The following ROBO2 variants were observed in gnomAD, a reference collection of about 807,000 sequenced individuals.
ROBO2 encodes the protein roundabout guidance receptor 2.
In ROBO2, 53 loss-of-function variants were observed where a neutral mutation model predicts 160.8. That is an observed-to-expected ratio of 0.33 (90% CI 0.26 to 0.41). The LOEUF (loss-of-function observed/expected upper bound fraction) is 0.41. ROBO2 is among the 10% of genes least tolerant of loss of function. ROBO2 has a pLI of 1.00. For missense variants in ROBO2, 1,577 were observed against 1,722.4 expected, an observed-to-expected ratio of 0.92 and a Z score of 1.49; for synonymous variants, 664 against 611.7, an observed-to-expected ratio of 1.09 and a Z score of -1.26.
chr3:76,002,048 G>A (rs1048941400), intron 2 of ROBO2, among the ~76,000 whole-genome samples: 21 of 152,034 alleles, frequency 1.4e-4, no homozygotes, highest in African/African-American at 5.1e-4. Context: ...ACCTAAAAGG[G>A]CACAATTACT....
At chr3:76,393,445 A>G (rs2077257313) in intron 2 of ROBO2, among the ~76,000 whole-genome samples, 1 of 152,222 alleles carries the variant, frequency 6.6e-6, no homozygotes, top group Non-Finnish European at 1.5e-5. Flanking sequence ...AGAAAAAAGT[A>G]GTTTGTGGGG....
chr3:77,309,223 A>T (rs2063344248), intron 2 of ROBO2, among the ~76,000 whole-genome samples: 1 of 152,224 alleles, frequency 6.6e-6, no homozygotes, highest in Non-Finnish European at 1.5e-5. Context: ...AGTTGTTACT[A>T]AGCTTTACAT....
intron 2 of ROBO2, among the ~76,000 whole-genome samples, chr3:76,217,272 A>T (rs1037567671): frequency 6.6e-6 from 1 of 152,152 alleles, no homozygotes; most frequent in African/African-American, 2.4e-5. Flanking sequence ...GCAAGAGCAA[A>T]CATATTCAAA....
intron 2 of ROBO2, among the ~76,000 whole-genome samples, chr3:76,302,953 A>G (rs1410970555): frequency 6.6e-6 from 1 of 152,124 alleles, no homozygotes; most frequent in Non-Finnish European, 1.5e-5. Context: ...CCATGTTTGG[A>G]TAAATTTATT....
chr3:77,446,558 CTT>C (rs2080541608), intron 2 of ROBO2, among the ~76,000 whole-genome samples: 1 of 152,016 alleles, frequency 6.6e-6, no homozygotes, highest in East Asian at 1.9e-4. Context: ...AGCAGCATAT[CTT>C]TTGTTTTCCT....
chr3:76,969,587 C>G (rs2059471725), intron 2 of ROBO2, among the ~76,000 whole-genome samples: 1 of 152,086 alleles, frequency 6.6e-6, no homozygotes, highest in Non-Finnish European at 1.5e-5. Flanking sequence ...ATACATTCAG[C>G]CTCAATTGTA....
chr3:77,233,630 C>T (rs1444641543), intron 2 of ROBO2, among the ~76,000 whole-genome samples: 1 of 151,782 alleles, frequency 6.6e-6, no homozygotes, highest in Admixed American at 6.6e-5. Context: ...TATCAGTATC[C>T]CATGTTAACT....
At chr3:75,916,766 A>G (rs1946826673) in intron 1 of ROBO2, among the ~76,000 whole-genome samples, 1 of 151,994 alleles carries the variant, frequency 6.6e-6, no homozygotes, top group African/African-American at 2.4e-5. Flanking sequence ...GATAATGGTT[A>G]AAAACACCTG....
intron 2 of ROBO2, among the ~76,000 whole-genome samples, chr3:76,209,954 G>A (rs187923682): frequency 7.6e-4 from 116 of 152,064 alleles, no homozygotes; most frequent in Admixed American, 2.8e-3. Flanking sequence ...TTAAATGATG[G>A]AATATTATAG....
chr3:77,076,627 CTT>C (rs1346796165), intron 1 of ROBO2, among the ~76,000 whole-genome samples: 3 of 151,894 alleles, frequency 2.0e-5, no homozygotes, highest in Non-Finnish European at 2.9e-5. Context: ...AAATGATTGC[CTT>C]AAAACTTGAA....
In ROBO2 at chr3:77,340,291, T is replaced by A. The variant is rs146105502; in HGVS notation, c.389-137123T>A. On this transcript the variant is annotated intron_variant, in intron 2 of 25. Coordinates refer to ENST00000461745, the Ensembl canonical transcript of ROBO2. ...ACTAGCAATAGAATTAGTAGTAATA[T>A]GAACGTGAAAAGTCACTTTTCTAAA... Among the ~76,000 whole-genome samples, 13 of 152,256 alleles carry A rather than the reference T, an allele frequency of 8.5e-5. No homozygotes were observed. In the East Asian group the frequency reaches 2.3e-3, roughly 27 times the overall value.
intron 2 of ROBO2, among the ~76,000 whole-genome samples, chr3:76,797,500 A>T (rs1013182834): frequency 1.3e-5 from 2 of 152,004 alleles, no homozygotes; most frequent in African/African-American, 2.4e-5. Context: ...ACCTTAAAAT[A>T]AACAACCTAA....
At chr3:77,611,577 T>C (rs1465843844) in intron 21 of ROBO2, among the ~76,000 whole-genome samples, 1 of 152,146 alleles carries the variant, frequency 6.6e-6, no homozygotes, top group Non-Finnish European at 1.5e-5. Flanking sequence ...CAGCTAATGG[T>C]AATCATCACC....
At chr3:76,264,332 T>C (rs1407093224) in intron 2 of ROBO2, among the ~76,000 whole-genome samples, 1 of 19,588 alleles carries the variant, frequency 5.1e-5, no homozygotes, top group African/African-American at 6.9e-5. Context: ...TTGTCTCTAG[T>C]TTTTTTTTTT....
At chr3:76,203,617 G>C (rs1217555889) in intron 2 of ROBO2, among the ~76,000 whole-genome samples, 6 of 139,714 alleles carry the variant, frequency 4.3e-5, no homozygotes, top group East Asian at 2.2e-4. Context: ...CACAGGTCAC[G>C]GTTCTAGTAA....
intron 2 of ROBO2, among the ~76,000 whole-genome samples, chr3:76,464,172 A>G (rs1283832430): frequency 6.6e-6 from 1 of 152,154 alleles, no homozygotes; most frequent in Admixed American, 6.6e-5. Context: ...TGTAGTAGAA[A>G]GACTTCCTAA....
intron 2 of ROBO2, among the ~76,000 whole-genome samples, chr3:77,423,898 G>A (rs1208911746): frequency 1.3e-5 from 2 of 152,024 alleles, no homozygotes; most frequent in African/African-American, 4.8e-5. Flanking sequence ...AACATGATTG[G>A]CATATAACAG....
At chr3:76,117,789 T>G (rs2070540169) in intron 2 of ROBO2, among the ~76,000 whole-genome samples, 1 of 152,168 alleles carries the variant, frequency 6.6e-6, no homozygotes, top group African/African-American at 2.4e-5. Context: ...ACAAATGAAT[T>G]TTAAACAAAA....
chr3:76,801,390 A>G (rs2064185836), intron 2 of ROBO2, among the ~76,000 whole-genome samples: 2 of 152,198 alleles, frequency 1.3e-5, no homozygotes, highest in African/African-American at 4.8e-5. Context: ...AATTTGTTGT[A>G]TATTTTAGAA....
Sources: gnomAD v4.1 joint callset for allele counts (sites outside exome capture counted in the v4.1 genomes callset) on GRCh38, gnomAD v4.1.1 for gene constraint, MANE v1.5 for transcripts, NCBI Gene and HGNC (gene_info 2026-07-23, HGNC 2026-07-21) for gene names.